TBC1D22A: variants seen among roughly 807,000 people sequenced by gnomAD.
The protein encoded by TBC1D22A is putative GTPase activator.
A neutral mutation model predicts 60.2 loss-of-function variants in TBC1D22A; 38 were observed. That is an observed-to-expected ratio of 0.63 (90% CI 0.49 to 0.83). The LOEUF (loss-of-function observed/expected upper bound fraction) is 0.83, where lower values mean the gene tolerates loss of function less well. TBC1D22A is among the 40% of genes least tolerant of loss of function. The pLI, the probability that TBC1D22A is intolerant of heterozygous loss-of-function variation, is 0.00. For missense variants in TBC1D22A, 628 were observed against 701.0 expected, an observed-to-expected ratio of 0.90 and a Z score of 1.18; for synonymous variants, 302 against 281.7, an observed-to-expected ratio of 1.07 and a Z score of -0.72.
chr22:46,912,946 C>T (rs144914863), intron 8 of TBC1D22A, among the ~76,000 whole-genome samples: 8 of 152,260 alleles, frequency 5.3e-5, no homozygotes, highest in African/African-American at 7.2e-5. Context: ...TCTTTAATTG[C>T]GTTTCTGTGG....
At chr22:47,109,893 G>C (rs1569452329) in intron 11 of TBC1D22A, among the ~76,000 whole-genome samples, 1 of 152,006 alleles carries the variant, frequency 6.6e-6, no homozygotes, top group Non-Finnish European at 1.5e-5. Context: ...GATGACCGTG[G>C]TCCCCTAACC....
chr22:47,123,966 C>T (rs888899835), intron 12 of TBC1D22A, among the ~76,000 whole-genome samples: 5 of 152,180 alleles, frequency 3.3e-5, no homozygotes, highest in Non-Finnish European at 5.9e-5. Flanking sequence ...TGGGGGCCCA[C>T]ATGCCTGCCT....
chr22:46,834,416 G>A (rs2086433629), intron 4 of TBC1D22A, among the ~76,000 whole-genome samples: 1 of 152,188 alleles, frequency 6.6e-6, no homozygotes, highest in African/African-American at 2.4e-5. Context: ...AAGAGGGTAA[G>A]AAGAAGAGTT....
At chr22:47,101,139 G>A (rs2065398514) in intron 11 of TBC1D22A, among the ~76,000 whole-genome samples, 1 of 152,176 alleles carries the variant, frequency 6.6e-6, no homozygotes, top group Non-Finnish European at 1.5e-5. Flanking sequence ...TAAGAGAGGG[G>A]AATATTGAAG....
chr22:46,974,225 C>T (rs746108792), intron 8 of TBC1D22A, 65 bp from the exon 9 acceptor site: 2 of 1,375,536 alleles, frequency 1.5e-6, no homozygotes, highest in Non-Finnish European at 2.0e-6. Flanking sequence ...TCCGTGGGCC[C>T]CCTCGTGGGT....
chr22:46,952,700 C>T (rs2072980280), intron 8 of TBC1D22A, among the ~76,000 whole-genome samples: 1 of 152,216 alleles, frequency 6.6e-6, no homozygotes, highest in Non-Finnish European at 1.5e-5. Context: ...TGCTGTCCCA[C>T]ACCTGCTGCC....
At chr22:47,152,556 C>T (rs540370846) in intron 12 of TBC1D22A, among the ~76,000 whole-genome samples, 45 of 152,260 alleles carry the variant, frequency 3.0e-4, no homozygotes, top group Admixed American at 5.2e-4. Context: ...GTAGCTGGTC[C>T]TGACGAGGCT....
At chr22:46,917,465 G>A (rs564710471) in intron 8 of TBC1D22A, among the ~76,000 whole-genome samples, 180 of 152,270 alleles carry the variant, frequency 1.2e-3, no homozygotes, top group Middle Eastern at 0.01. Flanking sequence ...AGAGGGGAGC[G>A]TGAACGAGAA....
intron 11 of TBC1D22A, among the ~76,000 whole-genome samples, chr22:47,056,309 G>A (rs1343087282): frequency 1.3e-5 from 2 of 152,102 alleles, no homozygotes; most frequent in South Asian, 2.1e-4. Context: ...AATCTCCTCC[G>A]GCCGGGTGCT....
At chr22:46,808,466 A>G (rs1342883201) in intron 4 of TBC1D22A, among the ~76,000 whole-genome samples, 1 of 152,218 alleles carries the variant, frequency 6.6e-6, no homozygotes, top group African/African-American at 2.4e-5. Context: ...AGGAAGTTAC[A>G]CCTTAAATCA....
At chr22:46,969,556 G>GT (rs1387565665) in intron 8 of TBC1D22A, among the ~76,000 whole-genome samples, 1 of 152,248 alleles carries the variant, frequency 6.6e-6, no homozygotes, top group Non-Finnish European at 1.5e-5. Context: ...AAGCGAGATG[G>GT]TTTTTAACTC....
At chr22:47,115,607 A>C (rs747155369) in intron 12 of TBC1D22A, among the ~76,000 whole-genome samples, 34 of 152,258 alleles carry the variant, frequency 2.2e-4, no homozygotes, top group Non-Finnish European at 4.1e-4. Context: ...TTTCACAGTA[A>C]GAGGACACTG....
chr22:46,846,862 C>T (rs987874649), intron 4 of TBC1D22A, among the ~76,000 whole-genome samples: 1 of 152,206 alleles, frequency 6.6e-6, no homozygotes, highest in Admixed American at 6.5e-5. Context: ...TCAAAGCAAA[C>T]CCCAGACATC....
At chr22:46,851,767 T>A (rs1272788557) in intron 4 of TBC1D22A, among the ~76,000 whole-genome samples, 1 of 152,222 alleles carries the variant, frequency 6.6e-6, no homozygotes, top group Non-Finnish European at 1.5e-5. Context: ...TAGCTCTTTG[T>A]TGACTGTGGT....
At chr22:47,124,175 CCTG>C (rs1470372053) in intron 12 of TBC1D22A, among the ~76,000 whole-genome samples, 5 of 152,116 alleles carry the variant, frequency 3.3e-5, no homozygotes, top group Non-Finnish European at 7.4e-5. Flanking sequence ...CATTTGAATC[CCTG>C]CTGCTGCGGT....
chr22:46,997,809 T>C, intron 10 of TBC1D22A, 100 bp downstream of exon 10: 5 of 1,091,184 alleles, frequency 4.6e-6, no homozygotes, highest in Non-Finnish European at 4.1e-6. Flanking sequence ...GGCAGCATCC[T>C]GGCCTGCTCA....
intron 1 of TBC1D22A, chr22:46,767,963 GAAC>G (rs1240827030): frequency 2.0e-5 from 3 of 152,916 alleles, no homozygotes; most frequent in African/African-American, 7.2e-5. Flanking sequence ...GCTGAATGGG[GAAC>G]CTTTGGAGGG....
chr22:46,966,103 G>T (rs2073789406), intron 8 of TBC1D22A, among the ~76,000 whole-genome samples: 1 of 152,152 alleles, frequency 6.6e-6, no homozygotes, highest in Non-Finnish European at 1.5e-5. Flanking sequence ...TCCGCATCAC[G>T]CTCCCCACAA....
chr22:47,136,185 C>A (rs1417586854), intron 12 of TBC1D22A, among the ~76,000 whole-genome samples: 1 of 152,250 alleles, frequency 6.6e-6, no homozygotes, highest in Admixed American at 6.5e-5. Context: ...CCTCCCAGTG[C>A]CAGCTGCGGT....
Sources: gnomAD v4.1 joint callset for allele counts (sites outside exome capture counted in the v4.1 genomes callset) on GRCh38, gnomAD v4.1.1 for gene constraint, MANE v1.5 for transcripts, NCBI Gene and HGNC (gene_info 2026-07-23, HGNC 2026-07-21) for gene names.